Variants in RSRC1 observed in about 807,000 individuals in gnomAD.
RSRC1 encodes the protein arginine and serine rich coiled-coil 1.
Under a neutral mutation model 49.1 loss-of-function variants are expected in RSRC1, and 39 were observed. That is an observed-to-expected ratio of 0.79 (90% confidence interval 0.61 to 1.04). RSRC1 has a LOEUF of 1.04. Among genes scored for constraint, RSRC1 ranks in the 50% least tolerant of loss-of-function variants. The pLI, the probability that RSRC1 is intolerant of heterozygous loss-of-function variation, is 0.00. For missense variants in RSRC1, 388 were observed against 402.4 expected, an observed-to-expected ratio of 0.96 and a Z score of 0.31; for synonymous variants, 143 against 130.8, an observed-to-expected ratio of 1.09 and a Z score of -0.63.
At chr3:158,436,576 G>A (rs1353496309) in intron 6 of RSRC1, among the ~76,000 whole-genome samples, 1 of 151,682 alleles carries the variant, frequency 6.6e-6, no homozygotes, top group African/African-American at 2.4e-5. Flanking sequence ...CATATACTTA[G>A]TACATATTTC....
chr3:158,424,725 G>A (rs1197572655), intron 6 of RSRC1, among the ~76,000 whole-genome samples: 2 of 151,954 alleles, frequency 1.3e-5, no homozygotes, highest in Non-Finnish European at 2.9e-5. Flanking sequence ...CTTTTTGGTG[G>A]GTAAGCTATT....
chr3:158,434,491 C>G (rs1735938132), intron 6 of RSRC1, among the ~76,000 whole-genome samples: 1 of 151,928 alleles, frequency 6.6e-6, no homozygotes, highest in South Asian at 2.1e-4. Flanking sequence ...AAGAAACATT[C>G]TAGTTTGGAT....
At chr3:158,301,679 G>A (rs74978925) in intron 5 of RSRC1, among the ~76,000 whole-genome samples, 1,998 of 152,194 alleles carry the variant, frequency 0.013, 19 homozygotes, top group Middle Eastern at 0.027. Context: ...AAGAGTTCAA[G>A]ATTTATTTGC....
intron 7 of RSRC1, among the ~76,000 whole-genome samples, chr3:158,499,180 A>G (rs1227965202): frequency 2.0e-5 from 3 of 152,144 alleles, no homozygotes; most frequent in Non-Finnish European, 4.4e-5. Flanking sequence ...GATTGAGACC[A>G]TCTTGGCTAG....
intron 4 of RSRC1, among the ~76,000 whole-genome samples, chr3:158,231,247 C>A (rs551285704): frequency 2.0e-5 from 3 of 150,196 alleles, no homozygotes; most frequent in Non-Finnish European, 4.4e-5. Context: ...GCCATCCTTC[C>A]GCCTCAGCCT....
intron 7 of RSRC1, among the ~76,000 whole-genome samples, chr3:158,480,205 T>A (rs1409744563): frequency 1.3e-5 from 2 of 152,034 alleles, no homozygotes; most frequent in Non-Finnish European, 2.9e-5. Context: ...TTTAAAGAAA[T>A]CTGTGCTATT....
At chr3:158,322,899 C>T (rs928883387) in intron 5 of RSRC1, among the ~76,000 whole-genome samples, 1 of 152,100 alleles carries the variant, frequency 6.6e-6, no homozygotes, top group Non-Finnish European at 1.5e-5. Context: ...TGTTAATGAG[C>T]TCATCTAGTG....
At chr3:158,330,693 C>T (rs372168263) in intron 5 of RSRC1, among the ~76,000 whole-genome samples, 13 of 152,136 alleles carry the variant, frequency 8.5e-5, no homozygotes, top group Admixed American at 8.5e-4. Context: ...TAAATATTTT[C>T]TCTAGGTCCC....
intron 5 of RSRC1, among the ~76,000 whole-genome samples, chr3:158,332,929 T>G (rs1278612648): frequency 6.6e-6 from 1 of 151,950 alleles, no homozygotes; most frequent in African/African-American, 2.4e-5. Context: ...GGACCATAAT[T>G]TATTTAATCA....
chr3:158,186,361 C>T (rs915721482), intron 3 of RSRC1, among the ~76,000 whole-genome samples: 1 of 151,804 alleles, frequency 6.6e-6, no homozygotes, highest in Non-Finnish European at 1.5e-5. Context: ...TACTTTTATC[C>T]AATATTTTAC....
chr3:158,200,719 G>C (rs762332365), intron 3 of RSRC1, among the ~76,000 whole-genome samples: 2 of 151,928 alleles, frequency 1.3e-5, no homozygotes, highest in Non-Finnish European at 2.9e-5. Flanking sequence ...TGTACTTAAA[G>C]TTATTATTTC....
intron 3 of RSRC1, among the ~76,000 whole-genome samples, chr3:158,125,543 C>T (rs1715562793): frequency 6.6e-6 from 1 of 152,152 alleles, no homozygotes; most frequent in Non-Finnish European, 1.5e-5. Context: ...TTTTCTACTG[C>T]TATTGATGTC....
intron 6 of RSRC1, among the ~76,000 whole-genome samples, chr3:158,431,962 C>A (rs1448279108): frequency 6.6e-6 from 1 of 151,896 alleles, no homozygotes; most frequent in Non-Finnish European, 1.5e-5. Context: ...ATTTCCAGTT[C>A]AGAATATTCA....
intron 7 of RSRC1, among the ~76,000 whole-genome samples, chr3:158,524,109 T>C (rs1595028): frequency 0.52 from 78,537 of 151,898 alleles, 20,758 homozygotes; most frequent in African/African-American, 0.62. Context: ...TTAGTAATTT[T>C]CATTGAAATC....
intron 6 of RSRC1, among the ~76,000 whole-genome samples, chr3:158,398,227 A>G (rs1733709944): frequency 6.6e-6 from 1 of 152,124 alleles, no homozygotes; most frequent in African/African-American, 2.4e-5. Context: ...CTGCTATTAA[A>G]AAATACCTGA....
At chr3:158,118,411 T>TTGTGTGTGTGTG (rs1714993253) in intron 1 of RSRC1, among the ~76,000 whole-genome samples, 1 of 78,180 alleles carries the variant, frequency 1.3e-5, no homozygotes, top group African/African-American at 4.9e-5. Context: ...GTACCTGGCC[T>TTGTGTGTGTGTG]TCTGTGTGTG....
At chr3:158,381,819 A>G (rs1732717994) in intron 6 of RSRC1, among the ~76,000 whole-genome samples, 1 of 152,194 alleles carries the variant, frequency 6.6e-6, no homozygotes, top group Non-Finnish European at 1.5e-5. Flanking sequence ...TACCGTAAAT[A>G]GACTTTGTAG....
chr3:158,465,944 A>T (rs1438632097), intron 7 of RSRC1, among the ~76,000 whole-genome samples: 1 of 152,178 alleles, frequency 6.6e-6, no homozygotes, highest in African/African-American at 2.4e-5. Flanking sequence ...GAAAAAAGAA[A>T]ATTCACTCAA....
intron 7 of RSRC1, among the ~76,000 whole-genome samples, chr3:158,514,440 C>T (rs533365491): frequency 3.3e-5 from 5 of 152,068 alleles, no homozygotes; most frequent in South Asian, 2.1e-4. Context: ...AGTGAGATTC[C>T]TAATCCTGAG....
Sources: allele counts gnomAD v4.1 joint callset (sites outside exome capture counted in the v4.1 genomes callset), GRCh38; gene constraint gnomAD v4.1.1; transcripts MANE v1.5; gene names NCBI Gene and HGNC (gene_info 2026-07-23, HGNC 2026-07-21).